Variants in DHX9 observed in about 807,000 individuals in gnomAD.
DHX9 encodes the protein ATP-dependent RNA helicase A.
A neutral mutation model predicts 148.7 loss-of-function variants in DHX9; 27 were observed. The ratio of observed to expected loss-of-function variants is 0.18; its 90% confidence interval spans 0.13 to 0.25. DHX9 has a LOEUF of 0.25. Ranked by LOEUF, DHX9 falls within the 10% of genes least tolerant of loss-of-function variation. The probability of loss-of-function intolerance (pLI) is 1.00; values close to 1 mark genes in which losing one functional copy is unlikely to be tolerated. For synonymous variants in DHX9, 529 were observed against 516.6 expected, an observed-to-expected ratio of 1.02 and a Z score of -0.33; for missense variants, 796 against 1,559.6, an observed-to-expected ratio of 0.51 and a Z score of 8.25.
intron 12 of DHX9, 90 bp downstream of exon 12, chr1:182,860,274 T>A (rs1668336383): frequency 2.6e-5 from 28 of 1,086,814 alleles, no homozygotes; most frequent in Non-Finnish European, 3.5e-5. Flanking sequence ...TATTTAAGAT[T>A]GAGAGAGCAT....
chr1:182,845,272 T>C (rs1668007747), intron 3 of DHX9, among the ~76,000 whole-genome samples: 1 of 152,196 alleles, frequency 6.6e-6, no homozygotes, highest in South Asian at 2.1e-4. Flanking sequence ...TTCTTTATCT[T>C]TTAGGCTCTT....
intron 27 of DHX9, among the ~76,000 whole-genome samples, 186 bp downstream of exon 27, chr1:182,884,999 CT>C (rs1420465013): frequency 2.0e-5 from 3 of 152,122 alleles, no homozygotes; most frequent in Non-Finnish European, 4.4e-5. Flanking sequence ...ATGTCATTTA[CT>C]TTTTTGTTAG....
At position 182,872,319 on chromosome 1, in the gene DHX9, G is replaced by A; in HGVS notation, c.1558-18G>A. 6.3e-7 allele frequency: 1 copy of A among 1,591,226 alleles called. No individual in the cohort carries two copies. The highest frequency in any genetic ancestry group is 8.5e-7 in the Non-Finnish European group (1 of 1,169,622). ...AACTTAATGTAATTTCAAAAATTTTGTGTTTGTTTTTTAATAGACTGACTT... is the reference window on the plus strand; with the variant it reads ...AACTTAATGTAATTTCAAAAATTTTATGTTTGTTTTTTAATAGACTGACTT... On this transcript the variant is annotated intron_variant, in intron 14 of 27. Transcript: ENST00000367549.
At chr1:182,840,904 G>A (rs888426893) in intron 1 of DHX9, among the ~76,000 whole-genome samples, 1 of 152,168 alleles carries the variant, frequency 6.6e-6, no homozygotes, top group Non-Finnish European at 1.5e-5. Flanking sequence ...CAGATTTGAG[G>A]GGAAATTTAA....
intron 3 of DHX9, among the ~76,000 whole-genome samples, chr1:182,850,231 T>C (rs1392036987): frequency 2.0e-5 from 3 of 152,124 alleles, no homozygotes; most frequent in Non-Finnish European, 2.9e-5. Flanking sequence ...CTTTTTGTAA[T>C]GAATGCATCA....
At chr1:182,843,239 TA>T (rs1667963866) in intron 2 of DHX9, 54 bp from the exon 3 acceptor site, 1 of 1,432,752 alleles carries the variant, frequency 7.0e-7, no homozygotes, top group African/African-American at 1.5e-5. Context: ...TACGACTTTT[TA>T]AAATCTCAGA....
intron 1 of DHX9, among the ~76,000 whole-genome samples, chr1:182,840,261 G>A (rs1373192300): frequency 1.3e-5 from 2 of 148,192 alleles, no homozygotes; most frequent in Non-Finnish European, 3.0e-5. Flanking sequence ...GAAGGTAGTA[G>A]ATCTGGAGTC....
chr1:182,874,942 T>C lies in DHX9; in HGVS notation c.1803T>C (p.Gly601=), dbSNP rs924032089. ...KKKKDKDDDG[G]EDDDANCNLI... is the part of the protein sequence containing the mutation. ...AGAAGGATAAGGATGATGATGGTGG[T>C]GAGGATGATGATGTAAGTGAATTTC... The change falls in exon 16 of 28, where the codon GGT becomes GGC. Residue 601 remains glycine, a synonymous_variant. Coordinates refer to ENST00000367549, the MANE Select transcript of DHX9 (RefSeq NM_001357.5). The C allele has an allele frequency of 2.5e-6, 4 of 1,611,908 alleles. No homozygotes were observed. The African/African-American group carries it at 5.3e-5, about 22-fold the overall frequency.
chr1:182,852,174 T>G, intron 3 of DHX9, 59 bp from the exon 4 acceptor site: 1 of 1,084,658 alleles, frequency 9.2e-7, no homozygotes, highest in Non-Finnish European at 1.4e-6. Context: ...ATTAAAAGAA[T>G]TTACTAGTCC....
At chr1:182,858,376 G>T in intron 8 of DHX9, 136 bp downstream of exon 8, 2 of 1,154,876 alleles carry the variant, frequency 1.7e-6, no homozygotes, top group Non-Finnish European at 2.5e-6. Flanking sequence ...TCATCTCTGT[G>T]TCTGGCATGA....
chr1:182,884,536 A>G (rs2102622653), intron 26 of DHX9, 77 bp from the exon 27 acceptor site: 1 of 1,231,338 alleles, frequency 8.1e-7, no homozygotes, highest in East Asian at 2.5e-5. Flanking sequence ...ATAATGTGCC[A>G]TGTGTGAAGT....
chr1:182,883,041 G>A, intron 24 of DHX9, 98 bp from the exon 25 acceptor site: 3 of 805,066 alleles, frequency 3.7e-6, no homozygotes, highest in Non-Finnish European at 6.3e-6. Context: ...AAAAGAGTGA[G>A]GAAGAGTCAG....
intron 12 of DHX9, among the ~76,000 whole-genome samples, chr1:182,861,367 A>T (rs1226282509): frequency 6.6e-6 from 1 of 152,194 alleles, no homozygotes. Flanking sequence ...TTTTTGACTT[A>T]CAGTGAAGGC....
intron 3 of DHX9, among the ~76,000 whole-genome samples, chr1:182,847,007 C>G (rs906932003): frequency 3.3e-5 from 5 of 152,054 alleles, no homozygotes; most frequent in African/African-American, 1.2e-4. Flanking sequence ...TAAGCCCACC[C>G]AGTGTATTTC....
intron 5 of DHX9, among the ~76,000 whole-genome samples, chr1:182,853,622 CAG>C (rs1320257683): frequency 6.6e-6 from 1 of 152,094 alleles, no homozygotes; most frequent in Non-Finnish European, 1.5e-5. Flanking sequence ...AGGAAAAAAA[CAG>C]TATTTTTTTC....
intron 24 of DHX9, among the ~76,000 whole-genome samples, chr1:182,882,654 C>T (rs1217706593): frequency 1.3e-5 from 2 of 152,054 alleles, no homozygotes; most frequent in East Asian, 3.9e-4. Context: ...ATCACGAGGT[C>T]AGGAGATCGA....
At chr1:182,842,132 A>T (rs914326789) in intron 1 of DHX9, among the ~76,000 whole-genome samples, 1 of 152,168 alleles carries the variant, frequency 6.6e-6, no homozygotes, top group African/African-American at 2.4e-5. Flanking sequence ...TTAGTTTCTT[A>T]CTTCCTGAAA....
chr1:182,857,904 C>T (rs1319234569), intron 7 of DHX9, among the ~76,000 whole-genome samples, 200 bp from the exon 8 acceptor site: 3 of 152,126 alleles, frequency 2.0e-5, no homozygotes, highest in Non-Finnish European at 1.5e-5. Flanking sequence ...GTAATCAAAA[C>T]TGTTGGTTAT....
At chr1:182,846,831 TC>T (rs887257184) in intron 3 of DHX9, among the ~76,000 whole-genome samples, 1 of 152,250 alleles carries the variant, frequency 6.6e-6, no homozygotes, top group East Asian at 1.9e-4. Context: ...TTTTATTTTT[TC>T]TTCTTTCCTC....
Sources: gnomAD v4.1 joint callset for allele counts (sites outside exome capture counted in the v4.1 genomes callset) on GRCh38, gnomAD v4.1.1 for gene constraint, MANE v1.5 for transcripts, NCBI Gene and HGNC (gene_info 2026-07-23, HGNC 2026-07-21) for gene names.